The following EPHX2 variants were observed in gnomAD, a reference collection of about 807,000 sequenced individuals.
EPHX2 encodes epoxide hydrolase 2, also known as bifunctional epoxide hydrolase 2.
In EPHX2, 74 loss-of-function variants were observed where a neutral mutation model predicts 78.7. That is an observed-to-expected ratio of 0.94 (90% CI 0.78 to 1.14). The LOEUF (loss-of-function observed/expected upper bound fraction) is 1.14, where lower values mean the gene tolerates loss of function less well. EPHX2 is among the 50% of genes most tolerant of loss of function. The pLI is 0.00. For synonymous variants in EPHX2, 251 were observed against 255.2 expected (o/e 0.98, Z 0.16); for missense variants, 715 against 702.5 (o/e 1.02, Z -0.20).
chr8:27,501,387 C>CTTCTTCTTTCTTCTTCTTCTTTCT, intron 2 of EPHX2, among the ~76,000 whole-genome samples: 1 of 67,552 alleles, frequency 1.5e-5, no homozygotes, highest in African/African-American at 7.5e-5. Flanking sequence ...TCTTCTTCTT[C>CTTCTTCTTTCTTCTTCTTCTTTCT]TTCTTCTTTC....
chr8:27,541,296 G>A (rs59039594), intron 15 of EPHX2, among the ~76,000 whole-genome samples, 177 bp from the exon 16 acceptor site: 12,661 of 152,262 alleles, frequency 0.083, 1,612 homozygotes, highest in African/African-American at 0.28. Flanking sequence ...CTTGCTGCTA[G>A]AGCTTGGCAA....
chr8:27,514,523 G>A (rs952805151), intron 6 of EPHX2, among the ~76,000 whole-genome samples: 3 of 152,186 alleles, frequency 2.0e-5, no homozygotes, highest in African/African-American at 7.2e-5. Context: ...AGTCAAGGCT[G>A]GTTAGTGGCT....
intron 16 of EPHX2, among the ~76,000 whole-genome samples, chr8:27,541,802 C>T (rs1005314578): frequency 5.9e-5 from 9 of 152,062 alleles, no homozygotes; most frequent in African/African-American, 1.9e-4. Flanking sequence ...AGCATCCATC[C>T]GGAATCCCCA....
intron 11 of EPHX2, 87 bp downstream of exon 11, chr8:27,522,595 A>G: frequency 7.3e-7 from 1 of 1,366,198 alleles, no homozygotes. Flanking sequence ...AAGCCCAGAA[A>G]ACTTCTCAAA....
At chr8:27,543,854 G>T (rs751420087) in intron 17 of EPHX2, 25 bp downstream of exon 17, 1 of 1,613,366 alleles carries the variant, frequency 6.2e-7, no homozygotes, top group Admixed American at 1.7e-5. Flanking sequence ...CTGTACAAGG[G>T]TCATCAGTGC....
intron 1 of EPHX2, among the ~76,000 whole-genome samples, chr8:27,492,476 G>A (rs1038835331): frequency 2.6e-5 from 4 of 152,154 alleles, no homozygotes; most frequent in Admixed American, 6.5e-5. Flanking sequence ...GGTTCCTGTC[G>A]GTGGGTTCGT....
At chr8:27,548,596 T>C (rs952837132), downstream of EPHX2, among the ~76,000 whole-genome samples, 117 of 152,234 alleles carry the variant, frequency 7.7e-4, no homozygotes, top group African/African-American at 2.7e-3. Flanking sequence ...ATTAGACGTT[T>C]GCTGAATAAA....
intron 12 of EPHX2, among the ~76,000 whole-genome samples, chr8:27,527,632 A>G (rs1814895655): frequency 6.6e-6 from 1 of 152,150 alleles, no homozygotes; most frequent in South Asian, 2.1e-4. Flanking sequence ...ATATAAGTGG[A>G]AGCATGCAGT....
intron 11 of EPHX2, among the ~76,000 whole-genome samples, chr8:27,525,148 T>C (rs1814797764): frequency 6.7e-6 from 1 of 150,186 alleles, no homozygotes; most frequent in African/African-American, 2.5e-5. Context: ...GGCAAGTTGG[T>C]GAGAAATACT....
At chr8:27,504,700 A>G (rs2132722541) in intron 3 of EPHX2, among the ~76,000 whole-genome samples, 1 of 152,304 alleles carries the variant, frequency 6.6e-6, no homozygotes, top group Non-Finnish European at 1.5e-5. Context: ...ACTGTTGTCA[A>G]GGAGGAAGGA....
chr8:27,510,440 G>C (rs1814195524), intron 5 of EPHX2, among the ~76,000 whole-genome samples: 1 of 152,186 alleles, frequency 6.6e-6, no homozygotes, highest in Non-Finnish European at 1.5e-5. Flanking sequence ...AGATGGGTTA[G>C]TCTAAGCCCT....
rs1448814565 is a variant in EPHX2, at chr8:27,525,521, TC to T, written c.1170+52del. ...CAATGGGAGCATTAGTGTTTGCCTT[TC>T]CCCTTCCTGTCTCCTTCTTATTTGC... is the stretch of plus-strand genomic sequence containing the variant. On this transcript the variant is annotated intron_variant, in intron 12 of 18. Transcript: ENST00000521400. The T allele has an allele frequency of 7.5e-6, 11 of 1,461,022 alleles. No homozygotes were observed. The Admixed American group carries it at 1.8e-4, about 24-fold the overall frequency. The allele number at this position is 1,461,022 out of a possible 1,614,324, so 90.5% of individuals were successfully genotyped here.
chr8:27,529,534 A>G (rs373286669), intron 12 of EPHX2, among the ~76,000 whole-genome samples: 6 of 152,134 alleles, frequency 3.9e-5, no homozygotes, highest in East Asian at 1.9e-4. Context: ...TAAACCGCAC[A>G]TGTGTATTTT....
chr8:27,521,743 G>A (rs982434996), intron 10 of EPHX2, among the ~76,000 whole-genome samples: 2 of 152,244 alleles, frequency 1.3e-5, no homozygotes, highest in African/African-American at 4.8e-5. Flanking sequence ...ACAGACTTCT[G>A]TCTAGAAGCG....
chr8:27,527,028 C>T (rs966258553), intron 12 of EPHX2, among the ~76,000 whole-genome samples: 4 of 152,184 alleles, frequency 2.6e-5, no homozygotes, highest in Non-Finnish European at 5.9e-5. Context: ...GCAACCTCCG[C>T]CTCCTAAGGT....
intron 18 of EPHX2, 41 bp downstream of exon 18, chr8:27,544,285 C>T (rs763097660): frequency 5.0e-6 from 8 of 1,609,258 alleles, no homozygotes; most frequent in East Asian, 2.2e-5. Context: ...GAGAGCAGGG[C>T]CCCCCGTTCA....
At chr8:27,516,450 C>T (rs372819045) in intron 8 of EPHX2, 52 bp downstream of exon 8, 2 of 1,545,914 alleles carry the variant, frequency 1.3e-6, no homozygotes, top group African/African-American at 2.7e-5. Context: ...TTCTACCTGC[C>T]TGAGCGCTCC....
intron 6 of EPHX2, 194 bp downstream of exon 6, chr8:27,512,104 A>G (rs76522492): frequency 2.5e-4 from 118 of 470,378 alleles, no homozygotes; most frequent in Non-Finnish European, 3.4e-4. Flanking sequence ...TCTCAAGAAA[A>G]AAAAAAAAAA....
At chr8:27,502,574 G>T (rs890615303) in intron 2 of EPHX2, among the ~76,000 whole-genome samples, 1 of 152,190 alleles carries the variant, frequency 6.6e-6, no homozygotes, top group Non-Finnish European at 1.5e-5. Context: ...GAAGGCACTG[G>T]CAGGTTCAGT....
Sources: allele counts gnomAD v4.1 joint callset (sites outside exome capture counted in the v4.1 genomes callset), GRCh38; gene constraint gnomAD v4.1.1; transcripts MANE v1.5; gene names NCBI Gene and HGNC (gene_info 2026-07-23, HGNC 2026-07-21).